DYM: variants seen among roughly 807,000 people sequenced by gnomAD.
DYM encodes the protein dymeclin.
A neutral mutation model predicts 93.1 loss-of-function variants in DYM; 78 were observed. That is an observed-to-expected ratio of 0.84 (90% CI 0.70 to 1.01). DYM has a LOEUF of 1.01. Among genes scored for constraint, DYM ranks in the 50% least tolerant of loss-of-function variants. The probability of loss-of-function intolerance (pLI) is 0.00; values close to 1 mark genes in which losing one functional copy is unlikely to be tolerated. For missense variants in DYM, 789 were observed against 845.0 expected (o/e 0.93, Z 0.82); for synonymous variants, 321 against 319.7 (o/e 1.00, Z -0.04).
rs1568087478 is a variant in DYM at position 49,242,865 on chromosome 18, A to ATTTTTTTGTATTTTTAGTAGAGACGGCTG, written c.1460+14144_1460+14145insCAGCCGTCTCTACTAAAAATACAAAAAAA. On this transcript the variant is annotated intron_variant, in intron 13 of 17. Transcript: ENST00000675505. ...CAGGCGCCCGCCACCACGCCCGGCTAATTTTTTTGTATTTTTAGTAGAGAC... is the reference window on the plus strand; with the variant it reads ...CAGGCGCCCGCCACCACGCCCGGCTATTTTTTTGTATTTTTAGTAGAGACGGCTGATTTTTTTGTATTTTTAGTAGAGAC... Among the ~76,000 whole-genome samples, 4 of 151,904 alleles carry ATTTTTTTGTATTTTTAGTAGAGACGGCTG rather than the reference A, an allele frequency of 2.6e-5. No homozygotes were observed. The East Asian group carries it at 7.8e-4, about 30-fold the overall frequency.
At chr18:49,217,119 G>A (rs1001048328) in intron 13 of DYM, among the ~76,000 whole-genome samples, 3 of 152,200 alleles carry the variant, frequency 2.0e-5, no homozygotes, top group Admixed American at 2.0e-4. Context: ...AGAAGCCTCA[G>A]GAGCCAATGC....
At chr18:49,396,866 TGA>T (rs1456103912) in intron 2 of DYM, among the ~76,000 whole-genome samples, 3 of 152,186 alleles carry the variant, frequency 2.0e-5, no homozygotes, top group African/African-American at 7.2e-5. Flanking sequence ...CTTAAAAAGT[TGA>T]TCCCATAGAG....
intron 8 of DYM, among the ~76,000 whole-genome samples, chr18:49,291,832 T>C (rs904316784): frequency 6.6e-6 from 1 of 152,210 alleles, no homozygotes; most frequent in Non-Finnish European, 1.5e-5. Context: ...AAAATCAAAA[T>C]TATTAAGAAG....
intron 1 of DYM, among the ~76,000 whole-genome samples, chr18:49,433,957 T>G (rs1249258828): frequency 6.6e-6 from 1 of 152,056 alleles, no homozygotes; most frequent in Non-Finnish European, 1.5e-5. Context: ...CACCTGTAAT[T>G]CCAGCACCCT....
At chr18:49,163,396 A>T (rs2087436723) in intron 15 of DYM, among the ~76,000 whole-genome samples, 1 of 152,212 alleles carries the variant, frequency 6.6e-6, no homozygotes, top group African/African-American at 2.4e-5. Context: ...CCCAGGCTAC[A>T]GTGCAGGGGC....
intron 14 of DYM, among the ~76,000 whole-genome samples, chr18:49,166,951 C>T (rs899211959): frequency 1.3e-5 from 2 of 151,090 alleles, no homozygotes; most frequent in South Asian, 2.1e-4. Context: ...GAGGTGCTTC[C>T]TGAGTTTAGC....
chr18:49,232,352 G>A (rs1341440653), intron 13 of DYM, among the ~76,000 whole-genome samples: 2 of 151,178 alleles, frequency 1.3e-5, no homozygotes, highest in Admixed American at 6.6e-5. Flanking sequence ...TGTCACCCAG[G>A]CTGGAGTGCA....
At chr18:49,443,075 T>G (rs1050103652) in intron 1 of DYM, among the ~76,000 whole-genome samples, 3 of 152,172 alleles carry the variant, frequency 2.0e-5, no homozygotes, top group Non-Finnish European at 4.4e-5. Flanking sequence ...CTCAAACTCC[T>G]GACCTCAGGT....
intron 13 of DYM, among the ~76,000 whole-genome samples, chr18:49,245,962 TG>T (rs1224533672): frequency 6.6e-6 from 1 of 152,236 alleles, no homozygotes; most frequent in Non-Finnish European, 1.5e-5. Flanking sequence ...TATTGGGGGC[TG>T]GTTCCCCCGA....
At chr18:49,258,835 CACACAGAGAG>C (rs2094439362) in intron 11 of DYM, among the ~76,000 whole-genome samples, 5 of 140,554 alleles carry the variant, frequency 3.6e-5, no homozygotes, top group South Asian at 2.4e-4. Context: ...GACACACACA[CACACAGAGAG>C]AGAGAGAGAG....
chr18:49,134,946 A>C (rs562432988), intron 15 of DYM, among the ~76,000 whole-genome samples: 1 of 152,204 alleles, frequency 6.6e-6, no homozygotes, highest in East Asian at 1.9e-4. Flanking sequence ...ATCTCTACTA[A>C]AAATACAACA....
At chr18:49,319,696 T>C (rs2062314894) in intron 8 of DYM, among the ~76,000 whole-genome samples, 1 of 152,218 alleles carries the variant, frequency 6.6e-6, no homozygotes, top group Admixed American at 6.5e-5. Context: ...GTTAAATAAC[T>C]TGCTCAAGGT....
At chr18:49,152,081 G>A (rs747642475) in intron 15 of DYM, among the ~76,000 whole-genome samples, 1 of 152,102 alleles carries the variant, frequency 6.6e-6, no homozygotes, top group Non-Finnish European at 1.5e-5. Flanking sequence ...ACTTCACTTA[G>A]AAAGTTAATT....
chr18:49,216,033 G>A (rs781016545), intron 13 of DYM, among the ~76,000 whole-genome samples: 4 of 152,174 alleles, frequency 2.6e-5, no homozygotes, highest in Non-Finnish European at 4.4e-5. Context: ...CTGGAAAATC[G>A]GGTCAATCTC....
chr18:49,375,910 G>A (rs2067465103), intron 5 of DYM, among the ~76,000 whole-genome samples: 1 of 152,130 alleles, frequency 6.6e-6, no homozygotes, highest in Non-Finnish European at 1.5e-5. Context: ...CATGCTGGAT[G>A]CTTCTTGCCC....
At position 49,325,755 on chromosome 18, in the gene DYM, A is replaced by G. The variant is rs578081123; in HGVS notation, c.763+6109T>C. On this transcript the variant is annotated intron_variant, in intron 8 of 17. Coordinates refer to ENST00000675505, the MANE Select transcript of DYM (RefSeq NM_001353214.3). ...TTATTTTTTTAAACGTAGAGTCCAGAATCAGGGAAGTTAGAGTTCCAATTT... is the reference window on the plus strand; with the variant it reads ...TTATTTTTTTAAACGTAGAGTCCAGGATCAGGGAAGTTAGAGTTCCAATTT... Among the ~76,000 whole-genome samples the G allele has an allele frequency of 2.6e-5, 4 of 152,318 alleles. No homozygotes were observed. The East Asian group carries it at 7.7e-4, about 29-fold the overall frequency.
At chr18:49,435,742 T>C (rs2080801357) in intron 1 of DYM, among the ~76,000 whole-genome samples, 1 of 151,952 alleles carries the variant, frequency 6.6e-6, no homozygotes, top group Non-Finnish European at 1.5e-5. Flanking sequence ...TGAACCGAGA[T>C]CGTGCCATTG....
intron 17 of DYM, among the ~76,000 whole-genome samples, chr18:49,074,714 G>A (rs925481345): frequency 2.6e-5 from 4 of 152,164 alleles, no homozygotes; most frequent in Non-Finnish European, 5.9e-5. Flanking sequence ...AATGACTACC[G>A]AGTTTAACGG....
intron 1 of DYM, among the ~76,000 whole-genome samples, chr18:49,457,414 T>C (rs1459091673): frequency 6.6e-6 from 1 of 152,200 alleles, no homozygotes; most frequent in Non-Finnish European, 1.5e-5. Flanking sequence ...AAACTTTACA[T>C]GGAGCTGTAT....
Sources: allele counts gnomAD v4.1 joint callset (sites outside exome capture counted in the v4.1 genomes callset), GRCh38; gene constraint gnomAD v4.1.1; transcripts MANE v1.5; gene names NCBI Gene and HGNC (gene_info 2026-07-23, HGNC 2026-07-21).